Variants in FMN2 observed in about 807,000 individuals in gnomAD.
FMN2 encodes formin-2.
FMN2 carries 51 observed loss-of-function variants against 142.3 expected under a neutral mutation model. The observed-to-expected ratio is 0.36, with a 90% CI of 0.29 to 0.45. The LOEUF (loss-of-function observed/expected upper bound fraction) is 0.45, where lower values mean the gene tolerates loss of function less well. Ranked by LOEUF, FMN2 falls within the 20% of genes least tolerant of loss-of-function variation. The probability of loss-of-function intolerance (pLI) is 1.00; values close to 1 mark genes in which losing one functional copy is unlikely to be tolerated. For synonymous variants in FMN2, 882 were observed against 869.8 expected, an observed-to-expected ratio of 1.01 and a Z score of -0.25; for missense variants, 1,936 against 2,122.8, an observed-to-expected ratio of 0.91 and a Z score of 1.73.
intron 6 of FMN2, among the ~76,000 whole-genome samples, chr1:240,255,924 T>C (rs1199670180): frequency 2.6e-5 from 4 of 152,088 alleles, no homozygotes; most frequent in African/African-American, 9.7e-5. Context: ...AGAACAGAAC[T>C]CTAGGATACG....
chr1:240,181,170 A>G (rs1209937043), intron 3 of FMN2, among the ~76,000 whole-genome samples: 2 of 151,718 alleles, frequency 1.3e-5, no homozygotes, highest in African/African-American at 4.8e-5. Context: ...ATGCCCAGCT[A>G]ATTTTTGTAT....
At position 240,092,143 on chromosome 1, in the gene FMN2, G is replaced by A; in HGVS notation, c.34G>A (p.Ala12Thr). 4.5e-6 allele frequency: 7 copies of A among 1,564,694 alleles called. No individual in the cohort carries two copies. The highest frequency in any genetic ancestry group is 6.1e-6 in the Non-Finnish European group (7 of 1,155,038). ...GNQDGKLKRS[A>T]GDALHEGGGG... is the part of the protein sequence containing the mutation. ...CCAGGATGGGAAGCTGAAGAGGAGC[G>A]CAGGTGATGCTTTGCACGAAGGCGG... Residue 12 changes from alanine to threonine, a missense_variant, in exon 1 of 18, where the codon GCA becomes ACA. This residue lies in a region of FMN2 where 751 missense variants were observed against 791.8 expected (regional missense o/e 0.95). Coordinates refer to ENST00000319653, the MANE Select transcript of FMN2 (RefSeq NM_020066.5).
In FMN2 at chr1:240,206,889, C is replaced by A; in HGVS notation, c.2077C>A (p.Leu693Ile). Reference sequence around the variant, plus strand: ...GGATCTGAGAACCAAAATAGCTGAACTAGAGAGGCAGTATCCTGCCCTGGA... The same window carrying A: ...GGATCTGAGAACCAAAATAGCTGAAATAGAGAGGCAGTATCCTGCCCTGGA... The part of the protein sequence containing the change: ...IEDLRTKIAE[L>I]ERQYPALDTE... The change falls in exon 5 of 18, where the codon CTA (leucine) becomes ATA (isoleucine). Residue 693 changes from leucine to isoleucine, a missense_variant. Coordinates refer to ENST00000319653, the MANE Select transcript of FMN2 (RefSeq NM_020066.5). The A allele has an allele frequency of 6.2e-7, 1 of 1,614,142 alleles. No individual in the cohort carries two copies. The highest frequency in any genetic ancestry group is 1.3e-5 in the African/African-American group (1 of 75,042).
chr1:240,363,334 C>T (rs12146143), intron 14 of FMN2, among the ~76,000 whole-genome samples: 26,510 of 152,180 alleles, frequency 0.17, 2,863 homozygotes, highest in Admixed American at 0.28. Context: ...TTAAGCAAAC[C>T]GCTTTTTACC....
intron 2 of FMN2, among the ~76,000 whole-genome samples, chr1:240,132,461 G>A (rs1662778234): frequency 6.6e-6 from 1 of 152,168 alleles, no homozygotes; most frequent in Admixed American, 6.6e-5. Context: ...AGACTTCAGA[G>A]GTGGAGGTGT....
intron 16 of FMN2, among the ~76,000 whole-genome samples, chr1:240,441,373 A>G (rs564947091): frequency 1.3e-5 from 2 of 152,256 alleles, no homozygotes; most frequent in East Asian, 3.9e-4. Flanking sequence ...ATGGATAGGA[A>G]ATGCCAGTGT....
intron 2 of FMN2, among the ~76,000 whole-genome samples, chr1:240,151,333 T>G: frequency 6.6e-6 from 1 of 152,178 alleles, no homozygotes; most frequent in East Asian, 1.9e-4. Flanking sequence ...GATCTTAATC[T>G]CAGTTCCAGC....
At chr1:240,165,968 G>A (rs550020398) in intron 2 of FMN2, among the ~76,000 whole-genome samples, 7 of 152,046 alleles carry the variant, frequency 4.6e-5, no homozygotes, top group Admixed American at 3.9e-4. Context: ...ATCCTGTAGG[G>A]TGTTGAGGGG....
At chr1:240,458,961 C>G (rs192108521) in intron 16 of FMN2, 82 of 152,158 alleles carry the variant, frequency 5.4e-4, no homozygotes, top group African/African-American at 2.0e-3. Context: ...AAATCCAAGT[C>G]TGACATGGAA....
intron 14 of FMN2, among the ~76,000 whole-genome samples, chr1:240,366,721 T>C (rs1672683413): frequency 6.6e-6 from 1 of 152,052 alleles, no homozygotes; most frequent in South Asian, 2.1e-4. Context: ...CTGGCTAATT[T>C]TGCATTTTTA....
At chr1:240,440,587 A>C (rs1675576669) in intron 16 of FMN2, among the ~76,000 whole-genome samples, 1 of 152,170 alleles carries the variant, frequency 6.6e-6, no homozygotes, top group Non-Finnish European at 1.5e-5. Context: ...TCATGTTAGC[A>C]GTGTTGCGAA....
intron 15 of FMN2, among the ~76,000 whole-genome samples, chr1:240,432,825 C>T (rs147356420): frequency 2.3e-3 from 345 of 152,098 alleles, no homozygotes; most frequent in Middle Eastern, 3.4e-3. Flanking sequence ...TAATTTAATA[C>T]CACTGTGCTC....
At chr1:240,445,806 TA>T (rs1006091230) in intron 16 of FMN2, among the ~76,000 whole-genome samples, 4 of 151,318 alleles carry the variant, frequency 2.6e-5, no homozygotes, top group African/African-American at 9.7e-5. Flanking sequence ...AGAGTGCTAG[TA>T]AAAAGCAAGT....
chr1:240,407,189 G>T (rs1674237466), intron 15 of FMN2, among the ~76,000 whole-genome samples: 2 of 151,542 alleles, frequency 1.3e-5, no homozygotes, highest in Admixed American at 1.3e-4. Flanking sequence ...CCAGGCTGGA[G>T]TTCAGTGGTG....
intron 16 of FMN2, chr1:240,459,299 T>C (rs1458698143): frequency 6.6e-6 from 1 of 152,178 alleles, no homozygotes; most frequent in Non-Finnish European, 1.5e-5. Context: ...CCTTGCTGTT[T>C]ACTCATCTAC....
intron 3 of FMN2, among the ~76,000 whole-genome samples, chr1:240,187,992 T>A (rs1253410493): frequency 6.6e-6 from 1 of 152,206 alleles, no homozygotes; most frequent in Non-Finnish European, 1.5e-5. Flanking sequence ...AATATCCCAA[T>A]TTTTAAAAAT....
At position 240,093,353 on chromosome 1, in the gene FMN2, C is replaced by A. The variant is rs200347646; in HGVS notation, c.1244C>A (p.Thr415Asn). The A allele has an allele frequency of 9.9e-6, 16 of 1,613,152 alleles. No individual in the cohort carries two copies. In the East Asian group the frequency reaches 3.6e-4, roughly 36 times the overall value. The change falls in exon 1 of 18, where the codon ACC (threonine) becomes AAC (asparagine). Residue 415 changes from threonine (T) to asparagine (N), a missense_variant. By Grantham distance (65) the Thr-to-Asn change is moderately conservative (BLOSUM62 0). Transcript: ENST00000319653. The stretch of plus-strand genomic sequence containing the variant: ...TGTTTCAAGCCCTACCCGCTCATCA[C>A]CCCCTGCTACATCAAGACCACCACC... ...QRCFKPYPLI[T>N]PCYIKTTTRQ...
chr1:240,166,434 T>A (rs1425635883), intron 2 of FMN2, among the ~76,000 whole-genome samples: 1 of 152,078 alleles, frequency 6.6e-6, no homozygotes, highest in African/African-American at 2.4e-5. Flanking sequence ...TTCACCACAT[T>A]GGCCAGGCTG....
chr1:240,318,420 T>C (rs76247278), intron 8 of FMN2, among the ~76,000 whole-genome samples: 9,466 of 152,126 alleles, frequency 0.062, 380 homozygotes, highest in East Asian at 0.12. Flanking sequence ...TTTTCTTTTT[T>C]TTTTCCATGT....
Sources: gnomAD v4.1 joint callset for allele counts (sites outside exome capture counted in the v4.1 genomes callset) on GRCh38, gnomAD v4.1.1 for gene constraint, gnomAD v4.1.1 regional missense constraint, MANE v1.5 for transcripts, NCBI Gene and HGNC (gene_info 2026-07-23, HGNC 2026-07-21) for gene names.